Variants in CA5A observed in about 807,000 individuals in gnomAD.
The protein encoded by CA5A is carbonic anhydrase 5A, mitochondrial.
In CA5A, 28 loss-of-function variants were observed where a neutral mutation model predicts 37.1. That is an observed-to-expected ratio of 0.75 (90% CI 0.56 to 1.03). The LOEUF (loss-of-function observed/expected upper bound fraction) is 1.03. CA5A is among the 50% of genes least tolerant of loss of function. The pLI, the probability that CA5A is intolerant of heterozygous loss-of-function variation, is 0.00. For synonymous variants in CA5A, 171 were observed against 158.4 expected (o/e 1.08, Z -0.60); for missense variants, 444 against 399.9 (o/e 1.11, Z -0.94).
In CA5A at chr16:87,894,222, G is replaced by A. The variant is rs373807376; in HGVS notation, c.619-2268C>T. On this transcript the variant is annotated intron_variant, in intron 5 of 6. Transcript: ENST00000649794. ...CAGCTCACGGTGGTTGGGCCTGGCC[G>A]CAACACAGCCCTCATCAGCGTCCCA... Among the ~76,000 whole-genome samples the A allele has an allele frequency of 3.4e-4, 51 of 152,078 alleles. 1 individual carries two copies. Among genetic ancestry groups the A allele is most frequent in the Non-Finnish European group, 5.9e-4 (40 of 67,996 alleles).
At chr16:87,933,383 A>T (rs551931513) in intron 1 of CA5A, among the ~76,000 whole-genome samples, 3 of 152,246 alleles carry the variant, frequency 2.0e-5, no homozygotes, top group Admixed American at 6.5e-5. Context: ...GATCCCTAAA[A>T]TTATTTTTTC....
At chr16:87,900,287 G>T (rs1488926029) in intron 5 of CA5A, among the ~76,000 whole-genome samples, 1 of 152,216 alleles carries the variant, frequency 6.6e-6, no homozygotes, top group African/African-American at 2.4e-5. Flanking sequence ...AGAGGATGGG[G>T]CGTCAGAGCT....
At position 87,924,802 on chromosome 16, in the gene CA5A, G is replaced by T. The variant is rs536735414; in HGVS notation, c.340+1946C>A. 2.5e-4 allele frequency among the ~76,000 whole-genome samples: 38 copies of T among 152,336 alleles called. No homozygotes were observed. In the East Asian group the frequency reaches 7.1e-3, roughly 29 times the overall value. ...GGGCAGCGTCCCGCTTGTTGGTCCC[G>T]CTTGGATAACGCAGAAGCGTGGAAG... On this transcript the variant is annotated intron_variant, in intron 2 of 6. Coordinates refer to ENST00000649794, the MANE Select transcript of CA5A (RefSeq NM_001739.2).
intron 2 of CA5A, chr16:87,925,643 A>G (rs980200717): frequency 3.3e-5 from 5 of 152,224 alleles, no homozygotes; most frequent in African/African-American, 7.2e-5. Flanking sequence ...AAATGCAAAC[A>G]TAATAGGCAT....
intron 2 of CA5A, 44 bp downstream of exon 2, chr16:87,926,704 A>G: frequency 6.6e-7 from 1 of 1,507,152 alleles, no homozygotes; most frequent in Admixed American, 1.7e-5. Context: ...TGCTGCCAGA[A>G]CAACGGGAGA....
intron 1 of CA5A, among the ~76,000 whole-genome samples, chr16:87,934,107 G>C (rs1362227729): frequency 2.6e-5 from 4 of 152,252 alleles, no homozygotes; most frequent in Non-Finnish European, 4.4e-5. Flanking sequence ...GCCTGTGTTA[G>C]CAACAGCAGC....
At position 87,911,940 on chromosome 16, in the gene CA5A, C is replaced by T. The variant is rs146228658; in HGVS notation, c.341-7036G>A. 4.9e-4 allele frequency among the ~76,000 whole-genome samples: 74 copies of T among 152,294 alleles called. No homozygotes were observed. Among genetic ancestry groups the T allele is most frequent in the African/African-American group, 1.3e-3 (54 of 41,562 alleles). On this transcript the variant is annotated intron_variant, in intron 2 of 6. Coordinates refer to ENST00000649794, the MANE Select transcript of CA5A (RefSeq NM_001739.2). The surrounding 1 kb of genome is among the most constrained non-coding windows in gnomAD (Gnocchi z 4.6). ...AGTACCTCCCTCACAGTCCCTGGCACGCAGTGAGAGCTCAAATAATGGTAG... is the reference window on the plus strand; with the variant it reads ...AGTACCTCCCTCACAGTCCCTGGCATGCAGTGAGAGCTCAAATAATGGTAG...
chr16:87,925,623 G>C (rs761150547), intron 2 of CA5A: 1 of 152,238 alleles, frequency 6.6e-6, no homozygotes, highest in African/African-American at 2.4e-5. Flanking sequence ...CTGGCAGCCA[G>C]TCCTGATAAA....
intron 1 of CA5A, among the ~76,000 whole-genome samples, chr16:87,930,210 T>C (rs1258848085): frequency 1.3e-5 from 2 of 152,186 alleles, no homozygotes. Context: ...TCCGACAGCA[T>C]CTGGCACTAT....
At chr16:87,934,953 A>G (rs902552178) in intron 1 of CA5A, among the ~76,000 whole-genome samples, 1 of 152,234 alleles carries the variant, frequency 6.6e-6, no homozygotes, top group African/African-American at 2.4e-5. Flanking sequence ...GGACCCCAAC[A>G]GGAGGAATGA....
intron 3 of CA5A, among the ~76,000 whole-genome samples, chr16:87,904,484 T>C (rs1267621847): frequency 6.6e-6 from 1 of 152,186 alleles, no homozygotes; most frequent in Non-Finnish European, 1.5e-5. Context: ...CTGAGTGAAG[T>C]GCGGCAAAGA....
intron 2 of CA5A, among the ~76,000 whole-genome samples, chr16:87,914,153 G>A (rs867764931): frequency 6.6e-6 from 1 of 152,208 alleles, no homozygotes; most frequent in Non-Finnish European, 1.5e-5. Context: ...CCATGTCACC[G>A]ATTTACAATA....
At chr16:87,922,845 C>A (rs2056249427) in intron 2 of CA5A, among the ~76,000 whole-genome samples, 1 of 152,264 alleles carries the variant, frequency 6.6e-6, no homozygotes, top group South Asian at 2.1e-4. Flanking sequence ...CCCCAGATTC[C>A]CTTCTTTGCA....
At chr16:87,921,800 T>C (rs1306577790) in intron 2 of CA5A, among the ~76,000 whole-genome samples, 2 of 152,220 alleles carry the variant, frequency 1.3e-5, no homozygotes, top group African/African-American at 2.4e-5. Flanking sequence ...GGATCTGCCT[T>C]GCACCTGCCA....
chr16:87,895,181 T>G (rs569109559), intron 5 of CA5A, among the ~76,000 whole-genome samples: 1 of 151,428 alleles, frequency 6.6e-6, no homozygotes, highest in South Asian at 2.1e-4. Context: ...GCCCCGGAGG[T>G]TGAGGCTGCA....
chr16:87,895,556 CA>C (rs2055789838), intron 5 of CA5A, among the ~76,000 whole-genome samples: 1 of 145,558 alleles, frequency 6.9e-6, no homozygotes, highest in Non-Finnish European at 1.5e-5. Context: ...AAAAAGAAAA[CA>C]AAAAACAAAA....
At chr16:87,930,138 T>C (rs974291013) in intron 1 of CA5A, among the ~76,000 whole-genome samples, 3 of 152,204 alleles carry the variant, frequency 2.0e-5, no homozygotes, top group African/African-American at 4.8e-5. Flanking sequence ...GTCTGCTGTC[T>C]GTCTCATAAC....
Position 87,904,860 on chromosome 16 carries a change from A to G in CA5A, c.385T>C (p.Phe129Leu). Residue 129 changes from phenylalanine (F) to leucine (L), a missense_variant, in exon 3 of 7, where the codon TTT becomes CTT. Coordinates refer to ENST00000649794, the MANE Select transcript of CA5A (RefSeq NM_001739.2). ...TTCACTGCTCCCCAGTGGAAGTGAAATTGCTTCAGTCTGTAGTGGTTTTCC... is the reference window on the plus strand; with the variant it reads ...TTCACTGCTCCCCAGTGGAAGTGAAGTTGCTTCAGTCTGTAGTGGTTTTCC... ...PLENHYRLKQ[F>L]HFHWGAVNEG... is the part of the protein sequence containing the mutation. 1 of 1,613,366 alleles carries G rather than the reference A, an allele frequency of 6.2e-7. No individual in the cohort carries two copies. The highest frequency in any genetic ancestry group is 1.1e-5 in the South Asian group (1 of 91,064).
At chr16:87,882,204 G>A in intron 4 of CA5A, 1 of 152,388 alleles carries the variant, frequency 6.6e-6, no homozygotes, top group Non-Finnish European at 1.5e-5. Flanking sequence ...AGAGGAGCGG[G>A]CTGTTCTCAG....
Sources: allele counts gnomAD v4.1 joint callset (sites outside exome capture counted in the v4.1 genomes callset), GRCh38; gene constraint gnomAD v4.1.1; non-coding constraint Gnocchi (gnomAD v3.1); transcripts MANE v1.5; gene names NCBI Gene and HGNC (gene_info 2026-07-23, HGNC 2026-07-21).